ABCG8: variants seen among roughly 807,000 people sequenced by gnomAD.
The protein encoded by ABCG8 is ATP binding cassette subfamily G member 8, also known as ATP-binding cassette sub-family G member 8.
A neutral mutation model predicts 71.3 loss-of-function variants in ABCG8; 81 were observed. That is an observed-to-expected ratio of 1.14 (90% CI 0.95 to 1.37). The LOEUF is 1.37. Ranked by LOEUF, ABCG8 falls within the 40% of genes most tolerant of loss-of-function variation. The pLI is 0.00. For missense variants in ABCG8, 1,119 were observed against 866.2 expected, an observed-to-expected ratio of 1.29 and a Z score of -3.66; for synonymous variants, 451 against 354.7, an observed-to-expected ratio of 1.27 and a Z score of -3.05.
In ABCG8 at chr2:43,878,089, A is replaced by G; in HGVS notation, c.*176A>G. The stretch of plus-strand genomic sequence containing the variant: ...CAGCCACAGGATGGCAGTAGAATAA[A>G]GACAGTCGAAAGGGATTTCTGCTCA... On this transcript the variant is annotated 3_prime_UTR_variant, in exon 13 of 13. Transcript: ENST00000272286. 1.1e-6 allele frequency: 1 copy of G among 905,338 alleles called. No homozygotes were observed. Among genetic ancestry groups the G allele is most frequent in the Non-Finnish European group, 1.7e-6 (1 of 582,100 alleles). The allele number at this position is 905,338 out of a possible 1,614,324, so 56.1% of individuals were successfully genotyped here.
rs1572834456 is a variant in ABCG8 at position 43,851,920 on chromosome 2, G to A, written c.561+98G>A. The A allele has an allele frequency of 2.2e-6, 3 of 1,393,500 alleles. No homozygotes were observed. In the Admixed American group the frequency reaches 5.0e-5, roughly 23 times the overall value. 86.3% of individuals were successfully genotyped at this position (1,393,500 alleles called of 1,614,324 possible). A position where few individuals can be genotyped will look rare whatever the true frequency, so the allele number is the denominator to read the frequency against. ...TGCCTTGCCTCAGGACCCAGCCGCA[G>A]GTCGAGTTTGAACAACTCAGCTTGC... On this transcript the variant is annotated intron_variant, in intron 4 of 12. Transcript: ENST00000272286.
At chr2:43,857,181 A>G (rs962752757) in intron 6 of ABCG8, among the ~76,000 whole-genome samples, 8 of 150,258 alleles carry the variant, frequency 5.3e-5, no homozygotes, top group African/African-American at 1.7e-4. Flanking sequence ...CTCACTATCT[A>G]TCTGGACAGA....
At chr2:43,870,121 A>G (rs1371155413) in intron 6 of ABCG8, among the ~76,000 whole-genome samples, 7 of 151,764 alleles carry the variant, frequency 4.6e-5, no homozygotes, top group Non-Finnish European at 8.8e-5. Context: ...CTCTGGATAG[A>G]ATTCTCACTG....
At chr2:43,862,392 A>C (rs1669356416) in intron 6 of ABCG8, among the ~76,000 whole-genome samples, 1 of 151,204 alleles carries the variant, frequency 6.6e-6, no homozygotes, top group African/African-American at 2.4e-5. Flanking sequence ...CTCTGGATAG[A>C]ACTCTCACTA....
rs376069170 is a variant in ABCG8 at position 43,875,191 on chromosome 2, G to A, written c.1534G>A (p.Gly512Arg). 3.2e-5 allele frequency: 51 copies of A among 1,614,068 alleles called. No homozygotes were observed. The highest frequency in any genetic ancestry group is 1.3e-4 in the Admixed American group (8 of 60,008). Residue 512 changes from glycine to arginine, a missense_variant, in exon 11 of 13, where the codon GGG becomes AGG. Transcript: ENST00000272286. ...GCACTGTGCCTACATCATCATCTAC[G>A]GGATGCCCACCTACTGGCTGGCCAA... is the stretch of plus-strand genomic sequence containing the variant. Reference protein sequence around the residue: ...PEHCAYIIIYGMPTYWLANLR... With the variant: ...PEHCAYIIIYRMPTYWLANLR...
At chr2:43,851,022 C>T (rs1041979709) in intron 3 of ABCG8, among the ~76,000 whole-genome samples, 3 of 151,916 alleles carry the variant, frequency 2.0e-5, no homozygotes, top group Non-Finnish European at 2.9e-5. Context: ...AAATTGTTTC[C>T]ACTTCTATTA....
intron 8 of ABCG8, among the ~76,000 whole-genome samples, chr2:43,873,396 T>C (rs1669848060): frequency 6.6e-6 from 1 of 152,004 alleles, no homozygotes; most frequent in East Asian, 1.9e-4. Flanking sequence ...TTCTCCACGT[T>C]GGCCAGGCTG....
chr2:43,868,286 TCTG>T (rs1669606728), intron 6 of ABCG8, among the ~76,000 whole-genome samples: 1 of 151,930 alleles, frequency 6.6e-6, no homozygotes, highest in African/African-American at 2.4e-5. Flanking sequence ...TCACTGTCTG[TCTG>T]GATAGAATTC....
At chr2:43,848,886 G>T (rs560008039) in intron 3 of ABCG8, among the ~76,000 whole-genome samples, 3 of 152,084 alleles carry the variant, frequency 2.0e-5, no homozygotes, top group African/African-American at 4.8e-5. Context: ...GCTGGGCGTG[G>T]TGGCACGTGC....
intron 10 of ABCG8, among the ~76,000 whole-genome samples, chr2:43,874,890 C>G (rs539001953): frequency 6.7e-4 from 102 of 152,180 alleles, no homozygotes; most frequent in Non-Finnish European, 1.3e-3. Context: ...GACTTGAAAC[C>G]AGGTCTTAGG....
At chr2:43,864,981 T>G (rs572016682) in intron 6 of ABCG8, among the ~76,000 whole-genome samples, 1 of 151,932 alleles carries the variant, frequency 6.6e-6, no homozygotes, top group South Asian at 2.1e-4. Context: ...GATAGAACTC[T>G]GACTATGTAT....
intron 1 of ABCG8, among the ~76,000 whole-genome samples, chr2:43,841,004 C>T (rs1395882977): frequency 6.6e-6 from 1 of 152,198 alleles, no homozygotes; most frequent in Non-Finnish European, 1.5e-5. Flanking sequence ...TGCCCTTAAC[C>T]CACAAACTCC....
Position 43,855,718 on chromosome 2 carries a change from C to T in ABCG8, c.964+2850C>T, listed in dbSNP as rs554780720. Among the ~76,000 whole-genome samples the T allele has an allele frequency of 6.8e-4, 104 of 152,232 alleles. 1 individual carries two copies. The highest frequency in any genetic ancestry group is 2.5e-3 in the African/African-American group (103 of 41,536). On this transcript the variant is annotated intron_variant, in intron 6 of 12. Transcript: ENST00000272286. ...ACCATCGGGATAGAACTCTCACTAT[C>T]TAGATAGAATTCTCACTCTCTGGAT... is the stretch of plus-strand genomic sequence containing the variant.
At chr2:43,848,468 T>A (rs1485591107) in intron 3 of ABCG8, 1 of 152,038 alleles carries the variant, frequency 6.6e-6, no homozygotes. Flanking sequence ...CCAGTCTCTG[T>A]CTTAAGAGAA....
rs1553375223 is a variant in ABCG8 at position 43,839,044 on chromosome 2, T to C, written c.-10T>C. The C allele has an allele frequency of 1.3e-6, 2 of 1,550,736 alleles. No individual in the cohort carries two copies. Among genetic ancestry groups the C allele is most frequent in the Non-Finnish European group, 8.7e-7 (1 of 1,146,714 alleles). Reference sequence around the variant, plus strand: ...GAGCTGCAGCCCAGGGTCACAGACCTGTGGGCCCCATGGCCGGGAAGGCGG... The same window carrying C: ...GAGCTGCAGCCCAGGGTCACAGACCCGTGGGCCCCATGGCCGGGAAGGCGG... On this transcript the variant is annotated 5_prime_UTR_variant, in exon 1 of 13. Transcript: ENST00000272286.
At chr2:43,840,099 C>T (rs1668523589) in intron 1 of ABCG8, among the ~76,000 whole-genome samples, 1 of 152,210 alleles carries the variant, frequency 6.6e-6, no homozygotes, top group African/African-American at 2.4e-5. Context: ...CCCACCACCT[C>T]ACCCCATCCT....
At chr2:43,860,619 C>T (rs192130538) in intron 6 of ABCG8, among the ~76,000 whole-genome samples, 3 of 151,322 alleles carry the variant, frequency 2.0e-5, no homozygotes, top group Non-Finnish European at 1.5e-5. Context: ...CGATAAAACT[C>T]TCACTACCTA....
intron 11 of ABCG8, 64 bp downstream of exon 11, chr2:43,875,477 CT>C: frequency 6.4e-7 from 1 of 1,563,828 alleles, no homozygotes; most frequent in Non-Finnish European, 8.7e-7. Context: ...ATGAAGCCTG[CT>C]TTCATCTGGA....
At chr2:43,851,521 G>C in intron 3 of ABCG8, 63 bp from the exon 4 acceptor site, 1 of 1,577,578 alleles carries the variant, frequency 6.3e-7, no homozygotes, top group Non-Finnish European at 8.7e-7. Context: ...ATGGGGAGCA[G>C]TGGCTGACAG....
Sources: allele counts gnomAD v4.1 joint callset (sites outside exome capture counted in the v4.1 genomes callset), GRCh38; gene constraint gnomAD v4.1.1; transcripts MANE v1.5; gene names NCBI Gene and HGNC (gene_info 2026-07-23, HGNC 2026-07-21).